The following DHRS2 variants were observed in gnomAD, a reference collection of about 807,000 sequenced individuals.
DHRS2 encodes the protein dehydrogenase/reductase 2, also known as dehydrogenase/reductase SDR family member 2, mitochondrial.
A neutral mutation model predicts 26.3 loss-of-function variants in DHRS2; 29 were observed. That is an observed-to-expected ratio of 1.10 (90% CI 0.82 to 1.50). The LOEUF is 1.50. Among genes scored for constraint, DHRS2 ranks in the 40% most tolerant of loss-of-function variants. The pLI is 0.00. For missense variants in DHRS2, 439 were observed against 367.1 expected, an observed-to-expected ratio of 1.20 and a Z score of -1.60; for synonymous variants, 164 against 151.3, an observed-to-expected ratio of 1.08 and a Z score of -0.62.
chr14:23,641,739 G>C (rs1340294922), intron 4 of DHRS2: 1 of 1,289,574 alleles, frequency 7.8e-7, no homozygotes, highest in African/African-American at 1.5e-5. Context: ...CCCCACACTG[G>C]TAACCTGTCA....
At chr14:23,640,957 CA>C (rs1300483645) in intron 4 of DHRS2, 1 of 152,304 alleles carries the variant, frequency 6.6e-6, no homozygotes, top group Non-Finnish European at 1.5e-5. Flanking sequence ...TCTCAGTTCA[CA>C]GGATCATGAC....
chr14:23,635,073 T>G (rs1390173212), upstream of DHRS2, among the ~76,000 whole-genome samples: 1 of 152,126 alleles, frequency 6.6e-6, no homozygotes, highest in African/African-American at 2.4e-5. Context: ...GTAGTTCTTT[T>G]TTTTTTTGAG....
intron 4 of DHRS2, chr14:23,641,780 G>GT: frequency 7.8e-7 from 1 of 1,287,438 alleles, no homozygotes; most frequent in Non-Finnish European, 1.0e-6. Context: ...TTCAGCTTAA[G>GT]TATTTCTCCT....
intron 4 of DHRS2, chr14:23,641,568 C>A: frequency 7.9e-7 from 1 of 1,273,660 alleles, no homozygotes; most frequent in Non-Finnish European, 1.0e-6. Context: ...CAGCCTGATG[C>A]ACATGGAGTA....
rs778030938 is a variant in DHRS2 at position 23,644,594 on chromosome 14, T to C, written c.675+51T>C. The C allele has an allele frequency of 7.4e-6, 12 of 1,613,840 alleles. No homozygotes were observed. The South Asian group carries it at 1.3e-4, about 18-fold the overall frequency. ...TCCCAGTCTGGCTCAGTGGGAACCC[T>C]TCCCAGTGAATAAGGGATCAAGGGG... On this transcript the variant is annotated intron_variant, in intron 7 of 8. Coordinates refer to ENST00000250383, the MANE Select transcript of DHRS2 (RefSeq NM_005794.4).
Position 23,636,440 on chromosome 14 carries a change from C to A in DHRS2, c.-371C>A, listed in dbSNP as rs561452511. The A allele has an allele frequency of 6.6e-6, 1 of 152,090 alleles. No individual in the cohort carries two copies. The highest frequency in any genetic ancestry group is 2.4e-5 in the African/African-American group (1 of 41,426). The allele number at this position is 152,090 out of a possible 1,614,324, so 9.4% of individuals were successfully genotyped here. Reference sequence around the variant, plus strand: ...CTTCATGATAAATCTTGCTGCTGCTCACTCGTTGGGTCCGTGCCACCTTTA... The same window carrying A: ...CTTCATGATAAATCTTGCTGCTGCTAACTCGTTGGGTCCGTGCCACCTTTA... On this transcript the variant is annotated 5_prime_UTR_variant, in exon 1 of 9. Transcript: ENST00000250383.
chr14:23,637,264 A>G (rs1234379090), intron 1 of DHRS2, among the ~76,000 whole-genome samples: 1 of 152,158 alleles, frequency 6.6e-6, no homozygotes, highest in Non-Finnish European at 1.5e-5. Flanking sequence ...TTTCTCTTAT[A>G]AGAATGATTT....
At position 23,639,121 on chromosome 14, in the gene DHRS2, G is replaced by A. The variant is rs554920203; in HGVS notation, c.141-58G>A. On this transcript the variant is annotated intron_variant, in intron 2 of 8. Transcript: ENST00000250383. ...ATTTGCTGATTTCCAGAGCTGGGTA[G>A]AGGAAGGACAGTGGAGAGAGGCTGA... is the stretch of plus-strand genomic sequence containing the variant. 49 of 1,600,104 alleles carry A rather than the reference G, an allele frequency of 3.1e-5. No individual in the cohort carries two copies. The South Asian group carries it at 4.9e-4, about 16-fold the overall frequency.
chr14:23,644,363 C>A, intron 6 of DHRS2, 46 bp from the exon 7 acceptor site: 2 of 1,609,512 alleles, frequency 1.2e-6, no homozygotes, highest in South Asian at 2.2e-5. Context: ...CTGATGCTTT[C>A]CCCCACTCTC....
chr14:23,642,223 G>A (rs969846527), intron 4 of DHRS2: 1 of 922,276 alleles, frequency 1.1e-6, no homozygotes. Context: ...GTGTGTGTAG[G>A]CCCTTACAGC....
chr14:23,643,485 T>A (rs1397562729), intron 5 of DHRS2: 2 of 464,428 alleles, frequency 4.3e-6, no homozygotes, highest in Middle Eastern at 6.0e-4. Context: ...ATGCTTTAAC[T>A]CCTTGACCTT....
At chr14:23,644,228 G>A (rs1890781173) in intron 6 of DHRS2, 66 bp downstream of exon 6, 2 of 1,589,292 alleles carry the variant, frequency 1.3e-6, no homozygotes, top group Admixed American at 1.7e-5. Context: ...CTTTTCCTCA[G>A]AGCCTTACAG....
chr14:23,639,476 G>T, intron 3 of DHRS2, 120 bp downstream of exon 3: 4 of 1,370,104 alleles, frequency 2.9e-6, no homozygotes, highest in Non-Finnish European at 3.8e-6. Flanking sequence ...CACCCAGGCT[G>T]CCCAAGCTAA....
chr14:23,634,342 C>T (rs540238669), upstream of DHRS2, among the ~76,000 whole-genome samples: 2 of 152,246 alleles, frequency 1.3e-5, no homozygotes, highest in Admixed American at 1.3e-4. Context: ...GCTGGGATTA[C>T]AGGCATGAGC....
chr14:23,632,415 G>C (rs1316747168), upstream of DHRS2, among the ~76,000 whole-genome samples: 1 of 152,216 alleles, frequency 6.6e-6, no homozygotes, highest in Non-Finnish European at 1.5e-5. Context: ...AGGCAGAGTG[G>C]AAGCAGCTGG....
Position 23,644,881 on chromosome 14 carries a change from A to G in DHRS2, c.730A>G (p.Arg244Gly). The change falls in exon 8 of 9, where the codon AGG becomes GGG. Residue 244 changes from arginine (R) to glycine (G), a missense_variant and splice_region_variant. Transcript: ENST00000250383. ...KNFKEHHQLQ[R>G]IGESEDCAGI... ...CTTCAAGGAACATCATCAGCTGCAG[A>G]GGCAAGTGGGGTTTGGAGATTTGGT... 1.9e-6 allele frequency: 3 copies of G among 1,614,184 alleles called. No individual in the cohort carries two copies. Among genetic ancestry groups the G allele is most frequent in the Non-Finnish European group, 2.5e-6 (3 of 1,180,014 alleles).
intron 5 of DHRS2, chr14:23,643,638 C>A: frequency 3.7e-6 from 1 of 268,660 alleles, no homozygotes; most frequent in Non-Finnish European, 7.2e-6. Flanking sequence ...GGGACCCTGC[C>A]TGTGTTCCAG....
intron 4 of DHRS2, 132 bp downstream of exon 4, chr14:23,640,027 C>A: frequency 1.2e-6 from 1 of 846,086 alleles, no homozygotes; most frequent in Non-Finnish European, 1.6e-6. Flanking sequence ...GGGTGGTAGT[C>A]CTGCCTGGCC....
At position 23,639,280 on chromosome 14, in the gene DHRS2, A is replaced by C; in HGVS notation, c.242A>C (p.Gln81Pro). 1 of 1,609,672 alleles carries C rather than the reference A, an allele frequency of 6.2e-7. No homozygotes were observed. Among genetic ancestry groups the C allele is most frequent in the Non-Finnish European group, 8.5e-7 (1 of 1,177,876 alleles). The stretch of plus-strand genomic sequence containing the variant: ...GTGGACCGGGCCATGGCCAAGCTGC[A>C]GGGGGAGGGGCTGAGTGTGGCGGGC... ...QNVDRAMAKL[Q>P]GEGLSVAGIV... The change falls in exon 3 of 9, where the codon CAG (glutamine) becomes CCG (proline). Residue 81 changes from glutamine (Q) to proline (P), a missense_variant. Gln to Pro is a moderately conservative substitution (Grantham distance 76, BLOSUM62 -1). Transcript: ENST00000250383.
Sources: allele counts gnomAD v4.1 joint callset (sites outside exome capture counted in the v4.1 genomes callset), GRCh38; gene constraint gnomAD v4.1.1; transcripts MANE v1.5; gene names NCBI Gene and HGNC (gene_info 2026-07-23, HGNC 2026-07-21).